The following TENM1 variants were observed in gnomAD, a reference collection of about 807,000 sequenced individuals.
TENM1 encodes the protein teneurin-1.
TENM1 carries 35 observed loss-of-function variants against 174.8 expected under a neutral mutation model. The ratio of observed to expected loss-of-function variants is 0.20; its 90% CI spans 0.15 to 0.27. TENM1 has a LOEUF of 0.27. Among genes scored for constraint, TENM1 ranks in the 10% least tolerant of loss-of-function variants. The probability of loss-of-function intolerance (pLI) is 1.00; values close to 1 mark genes in which losing one functional copy is unlikely to be tolerated. For synonymous variants in TENM1, 781 were observed against 798.7 expected (o/e 0.98, Z 0.37); for missense variants, 1,633 against 2,130.1 (o/e 0.77, Z 4.59).
At chrX:125,147,041 T>C in the TENM1 span, among the ~76,000 whole-genome samples, 1 of 109,554 alleles carries the variant, frequency 9.1e-6, no homozygotes, top group South Asian at 3.7e-4. Context: ...CATGCATACA[T>C]GTGTCTGTGT....
chrX:124,406,281 G>A, intron 26 of TENM1, 36 bp downstream of exon 29: 1 of 1,109,208 alleles, frequency 9.0e-7, no homozygotes, highest in Non-Finnish European at 1.2e-6. Context: ...TGACATAGGG[G>A]CTGTTACAGT....
chrX:124,668,431 G>A (rs1301655505), intron 6 of TENM1, among the ~76,000 whole-genome samples: 11 of 112,026 alleles, frequency 9.8e-5, no homozygotes, highest in Admixed American at 2.8e-4. Flanking sequence ...TCACAATAGC[G>A]AAGACTTGGA....
At chrX:125,131,487 G>T in the TENM1 span, among the ~76,000 whole-genome samples, 1 of 111,721 alleles carries the variant, frequency 9.0e-6, no homozygotes, top group Non-Finnish European at 1.9e-5. Flanking sequence ...CTCATCAACT[G>T]CTGTCCAATA....
chrX:125,126,518 G>T, the TENM1 span, among the ~76,000 whole-genome samples: 1 of 111,151 alleles, frequency 9.0e-6, no homozygotes, highest in South Asian at 3.8e-4. Context: ...TCTGCAATGT[G>T]CTAGGCATAT....
chrX:124,653,742 T>C (rs749669647), exon 7 of TENM1: 100 of 1,209,886 alleles, frequency 8.3e-5, no homozygotes, highest in Non-Finnish European at 1.0e-4. Flanking sequence ...TGTGCACCAA[T>C]GTCAACTTCT....
intron 1 of TENM1, among the ~76,000 whole-genome samples, chrX:124,902,159 C>A (rs1345042956): frequency 8.9e-6 from 1 of 111,975 alleles, no homozygotes; most frequent in Non-Finnish European, 1.9e-5. Flanking sequence ...ATAATTATAA[C>A]CCGAACCTGT....
intron 3 of TENM1, among the ~76,000 whole-genome samples, chrX:124,760,045 A>G (rs927551436): frequency 4.5e-5 from 5 of 111,424 alleles, no homozygotes; most frequent in African/African-American, 1.6e-4. Flanking sequence ...GTCTCTGAAT[A>G]CAGCCCACCT....
the TENM1 span, among the ~76,000 whole-genome samples, chrX:125,149,052 A>T: frequency 9.3e-6 from 1 of 107,873 alleles, no homozygotes; most frequent in South Asian, 4.2e-4. Context: ...ATCCAAATTG[A>T]TTAATAGGCA....
intron 17 of TENM1, 134 bp downstream of exon 20, chrX:124,523,230 G>T: frequency 1.5e-6 from 1 of 673,753 alleles, no homozygotes; most frequent in Non-Finnish European, 2.2e-6. Flanking sequence ...AACATTTGAA[G>T]ACTTCTCTTG....
intron 14 of TENM1, among the ~76,000 whole-genome samples, chrX:124,555,454 T>C (rs993227619): frequency 8.9e-6 from 1 of 112,134 alleles, no homozygotes; most frequent in African/African-American, 3.2e-5. Context: ...ATGTGTATCA[T>C]GAGAAAACTA....
chrX:124,481,932 A>C, exon 22 of TENM1: 2 of 1,196,439 alleles, frequency 1.7e-6, no homozygotes, highest in Non-Finnish European at 2.3e-6. Flanking sequence ...CACAGGGTCC[A>C]TAGCCAGATA....
chrX:125,193,797 T>C, the TENM1 span, among the ~76,000 whole-genome samples: 3 of 110,733 alleles, frequency 2.7e-5, no homozygotes, highest in Admixed American at 2.9e-4. Context: ...TGTATTTTTT[T>C]AGAACAAGCT....
chrX:124,727,688 A>G (rs918704135), intron 4 of TENM1, among the ~76,000 whole-genome samples: 2 of 111,836 alleles, frequency 1.8e-5, no homozygotes, highest in Admixed American at 1.9e-4. Context: ...ATAGAAAAGA[A>G]GGAAAGCAGT....
intron 5 of TENM1, among the ~76,000 whole-genome samples, chrX:124,700,796 C>G (rs1169660530): frequency 9.0e-6 from 1 of 111,622 alleles, no homozygotes; most frequent in Non-Finnish European, 1.9e-5. Flanking sequence ...TTTGCACTTT[C>G]TTTTTGAGGC....
intron 1 of TENM1, among the ~76,000 whole-genome samples, chrX:124,928,421 A>C (rs2058121191): frequency 8.9e-6 from 1 of 112,210 alleles, no homozygotes; most frequent in Admixed American, 9.5e-5. Flanking sequence ...CGGTCTAATA[A>C]AAAGGAATGG....
intron 3 of TENM1, among the ~76,000 whole-genome samples, chrX:124,773,106 C>G (rs1193070384): frequency 1.8e-5 from 2 of 111,836 alleles, no homozygotes; most frequent in Non-Finnish European, 3.8e-5. Flanking sequence ...CTAATACTCT[C>G]AAGCAAGACC....
intron 22 of TENM1, among the ~76,000 whole-genome samples, chrX:124,458,335 C>A (rs2061132767): frequency 9.0e-6 from 1 of 111,665 alleles, no homozygotes; most frequent in Non-Finnish European, 1.9e-5. Flanking sequence ...CTAAATGGAG[C>A]TTCTAGAACT....
chrX:124,509,818 T>C (rs62604261), intron 18 of TENM1, among the ~76,000 whole-genome samples: 9,864 of 106,694 alleles, frequency 0.092, 696 homozygotes, highest in African/African-American at 0.23. Flanking sequence ...CCTCCCAGGT[T>C]CAAGTGATTC....
chrX:124,954,421 T>C (rs959986684), intron 1 of TENM1, among the ~76,000 whole-genome samples: 3 of 112,144 alleles, frequency 2.7e-5, no homozygotes, highest in Admixed American at 9.5e-5. Flanking sequence ...GGTTCCAGAC[T>C]TACCTGTACA....
Sources: allele counts gnomAD v4.1 joint callset (sites outside exome capture counted in the v4.1 genomes callset), GRCh38; gene constraint gnomAD v4.1.1; transcripts MANE v1.5; gene names NCBI Gene and HGNC (gene_info 2026-07-23, HGNC 2026-07-21).